Variants in PRKAG2 observed in about 807,000 individuals in gnomAD.
PRKAG2 encodes 5'-AMP-activated protein kinase subunit gamma-2.
PRKAG2 carries 26 observed loss-of-function variants against 69.6 expected under a neutral mutation model. The observed-to-expected ratio is 0.37, with a 90% confidence interval of 0.27 to 0.52. The LOEUF is 0.52. Among genes scored for constraint, PRKAG2 ranks in the 20% least tolerant of loss-of-function variants. The probability of loss-of-function intolerance (pLI) is 0.90; values close to 1 mark genes in which losing one functional copy is unlikely to be tolerated. For synonymous variants in PRKAG2, 293 were observed against 285.0 expected, an observed-to-expected ratio of 1.03 and a Z score of -0.28; for missense variants, 557 against 740.0, an observed-to-expected ratio of 0.75 and a Z score of 2.87.
At chr7:151,651,902 G>C (rs1224154695) in intron 4 of PRKAG2, among the ~76,000 whole-genome samples, 1 of 152,192 alleles carries the variant, frequency 6.6e-6, no homozygotes, top group East Asian at 1.9e-4. Flanking sequence ...ACTGGGGCTG[G>C]GGTTGGATGG....
intron 3 of PRKAG2, among the ~76,000 whole-genome samples, chr7:151,688,836 CT>C (rs1835181338): frequency 6.6e-6 from 1 of 152,170 alleles, no homozygotes; most frequent in Admixed American, 6.5e-5. Context: ...CTTCGGGGCC[CT>C]TCTAACTCCC....
intron 4 of PRKAG2, among the ~76,000 whole-genome samples, chr7:151,649,813 AT>A (rs1173400637): frequency 1.3e-5 from 2 of 152,148 alleles, no homozygotes; most frequent in East Asian, 3.9e-4. Flanking sequence ...TACCAGCATC[AT>A]GCTTCCTGTA....
intron 3 of PRKAG2, among the ~76,000 whole-genome samples, chr7:151,754,835 C>A (rs2074967882): frequency 6.6e-6 from 1 of 152,114 alleles, no homozygotes; most frequent in African/African-American, 2.4e-5. Flanking sequence ...GCGGTCCCCT[C>A]AGTTCCCCTG....
At chr7:151,840,494 C>T (rs543326763) in intron 1 of PRKAG2, among the ~76,000 whole-genome samples, 5 of 152,340 alleles carry the variant, frequency 3.3e-5, no homozygotes, top group Admixed American at 1.3e-4. Context: ...TCAATTGATC[C>T]TCCCATCTCA....
At chr7:151,564,304 C>A (rs1450432811) in intron 13 of PRKAG2, 80 bp from the exon 14 acceptor site, 2 of 1,504,600 alleles carry the variant, frequency 1.3e-6, no homozygotes, top group Non-Finnish European at 1.8e-6. Flanking sequence ...CTTAAGAGAG[C>A]CTGATTTCTA....
At chr7:151,687,320 T>C (rs1004103419) in intron 3 of PRKAG2, among the ~76,000 whole-genome samples, 9 of 121,748 alleles carry the variant, frequency 7.4e-5, no homozygotes, top group Admixed American at 7.0e-4. Context: ...TGTTGCCACT[T>C]AGAAAGCAGT....
chr7:151,784,268 T>C (rs1260321132), intron 2 of PRKAG2, among the ~76,000 whole-genome samples: 3 of 152,150 alleles, frequency 2.0e-5, no homozygotes, highest in Non-Finnish European at 2.9e-5. Flanking sequence ...AGCCCGGACC[T>C]GGTGCATGGA....
At chr7:151,874,064 GTATATGATGTA>G in intron 1 of PRKAG2, among the ~76,000 whole-genome samples, 2 of 142,550 alleles carry the variant, frequency 1.4e-5, no homozygotes, top group African/African-American at 5.2e-5. Flanking sequence ...ATATGTATAT[GTATATGATGTA>G]TATGTATATG....
At chr7:151,722,696 G>A (rs952742586) in intron 3 of PRKAG2, among the ~76,000 whole-genome samples, 23 of 152,214 alleles carry the variant, frequency 1.5e-4, no homozygotes, top group South Asian at 2.1e-4. Context: ...AAGGGAAGCC[G>A]AGAGTGTGCA....
At chr7:151,774,041 A>T (rs1444837362) in intron 3 of PRKAG2, among the ~76,000 whole-genome samples, 1 of 152,106 alleles carries the variant, frequency 6.6e-6, no homozygotes, top group East Asian at 1.9e-4. Flanking sequence ...TGATTTTGTC[A>T]TTTGCTGACT....
intron 1 of PRKAG2, among the ~76,000 whole-genome samples, chr7:151,794,739 G>A (rs993065509): frequency 1.3e-5 from 2 of 152,260 alleles, no homozygotes; most frequent in Non-Finnish European, 2.9e-5. Context: ...CGTTCCCAAG[G>A]TGAAAGCCAA....
intron 5 of PRKAG2, among the ~76,000 whole-genome samples, chr7:151,608,620 G>A (rs1269778561): frequency 2.0e-5 from 3 of 152,308 alleles, no homozygotes; most frequent in Non-Finnish European, 2.9e-5. Context: ...AGAGGGGCAA[G>A]TACGGATCTG....
chr7:151,874,995 G>A (rs998484377), intron 1 of PRKAG2, among the ~76,000 whole-genome samples: 2 of 152,278 alleles, frequency 1.3e-5, no homozygotes, highest in African/African-American at 2.4e-5. Flanking sequence ...ACAAATGGGA[G>A]AAACAGTAGT....
At chr7:151,738,492 G>A (rs1233040865) in intron 3 of PRKAG2, among the ~76,000 whole-genome samples, 1 of 152,268 alleles carries the variant, frequency 6.6e-6, no homozygotes, top group South Asian at 2.1e-4. Flanking sequence ...TGGCCCTAAC[G>A]CACAAGCTGG....
At chr7:151,557,635 C>G in intron 15 of PRKAG2, 2 of 827,042 alleles carry the variant, frequency 2.4e-6, no homozygotes, top group Middle Eastern at 6.0e-4. Flanking sequence ...TTTGGGAGGC[C>G]GAGGCGGGCG....
At chr7:151,834,410 G>A (rs2079101041) in intron 1 of PRKAG2, among the ~76,000 whole-genome samples, 1 of 152,224 alleles carries the variant, frequency 6.6e-6, no homozygotes, top group Non-Finnish European at 1.5e-5. Context: ...CTGAGCCATT[G>A]TTTTCAGGGG....
At chr7:151,559,947 A>G (rs1448565104) in intron 15 of PRKAG2, 10 of 985,234 alleles carry the variant, frequency 1.0e-5, no homozygotes, top group Non-Finnish European at 1.2e-5. Context: ...CTCTTGTCTA[A>G]AGCCCTCTCC....
chr7:151,672,009 G>C (rs1832114924), intron 4 of PRKAG2, among the ~76,000 whole-genome samples: 1 of 151,368 alleles, frequency 6.6e-6, no homozygotes, highest in Non-Finnish European at 1.5e-5. Flanking sequence ...ATACATAAAA[G>C]TTACCATTTG....
chr7:151,736,084 C>A (rs1224032295), intron 3 of PRKAG2: 1 of 1,524,460 alleles, frequency 6.6e-7, no homozygotes, highest in Non-Finnish European at 8.8e-7. Flanking sequence ...GCCAGAGGAG[C>A]ATCAGCCCGA....
Sources: gnomAD v4.1 joint callset for allele counts (sites outside exome capture counted in the v4.1 genomes callset) on GRCh38, gnomAD v4.1.1 for gene constraint, MANE v1.5 for transcripts, NCBI Gene and HGNC (gene_info 2026-07-23, HGNC 2026-07-21) for gene names.